MSRA: variants seen among roughly 807,000 people sequenced by gnomAD.
MSRA encodes the protein mitochondrial peptide methionine sulfoxide reductase.
MSRA carries 54 observed loss-of-function variants against 31.3 expected under a neutral mutation model. The observed-to-expected ratio is 1.73, with a 90% CI of 1.39 to 2.17. MSRA has a LOEUF of 2.17. Among genes scored for constraint, MSRA ranks in the 30% most tolerant of loss-of-function variants. The pLI, the probability that MSRA is intolerant of heterozygous loss-of-function variation, is 0.00. For synonymous variants in MSRA, 169 were observed against 116.5 expected, an observed-to-expected ratio of 1.45 and a Z score of -2.90; for missense variants, 507 against 300.9, an observed-to-expected ratio of 1.69 and a Z score of -5.07.
intron 1 of MSRA, among the ~76,000 whole-genome samples, chr8:10,081,801 T>C (rs1354567137): frequency 6.6e-6 from 1 of 152,102 alleles, no homozygotes; most frequent in Non-Finnish European, 1.5e-5. Flanking sequence ...CTGGCCAATG[T>C]AAAGGAAATT....
intron 2 of MSRA, among the ~76,000 whole-genome samples, chr8:10,244,733 C>A (rs1195981568): frequency 6.6e-6 from 1 of 151,922 alleles, no homozygotes; most frequent in African/African-American, 2.4e-5. Context: ...AATATGTGAC[C>A]AGGGAGTGGA....
At chr8:10,302,320 G>T (rs967802580) in intron 4 of MSRA, among the ~76,000 whole-genome samples, 2 of 152,250 alleles carry the variant, frequency 1.3e-5, no homozygotes, top group African/African-American at 2.4e-5. Flanking sequence ...CATCCCAGCA[G>T]CCTTGCAGGC....
intron 3 of MSRA, among the ~76,000 whole-genome samples, chr8:10,288,649 T>C (rs564950990): frequency 3.3e-5 from 5 of 152,318 alleles, no homozygotes; most frequent in East Asian, 1.9e-4. Flanking sequence ...GTCTGAGTTA[T>C]AAACAAATCT....
At position 10,319,873 on chromosome 8, in the gene MSRA, G is replaced by C; in HGVS notation, c.437-10G>C. Reference sequence around the variant, plus strand: ...GACCGGGTAACCCTCCCTGTTTTCTGCTTTCCTAGGTATGCGCCAGGGGAA... The same window carrying C: ...GACCGGGTAACCCTCCCTGTTTTCTCCTTTCCTAGGTATGCGCCAGGGGAA... On this transcript the variant is annotated splice_polypyrimidine_tract_variant and intron_variant, in intron 4 of 5. Coordinates refer to ENST00000317173, the MANE Select transcript of MSRA (RefSeq NM_012331.5). 3 of 1,503,382 alleles carry C rather than the reference G, an allele frequency of 2.0e-6. No homozygotes were observed. The highest frequency in any genetic ancestry group is 2.7e-6 in the Non-Finnish European group (3 of 1,119,384). The allele number at this position is 1,503,382 out of a possible 1,614,324, so 93.1% of individuals were successfully genotyped here.
At chr8:10,397,019 G>T (rs1041982647) in intron 5 of MSRA, among the ~76,000 whole-genome samples, 2 of 152,194 alleles carry the variant, frequency 1.3e-5, no homozygotes, top group African/African-American at 4.8e-5. Context: ...CCTGGATAAG[G>T]ATTGTTCTCC....
At chr8:10,394,970 A>G (rs1807003810) in intron 5 of MSRA, among the ~76,000 whole-genome samples, 1 of 152,166 alleles carries the variant, frequency 6.6e-6, no homozygotes, top group African/African-American at 2.4e-5. Flanking sequence ...ATTGCCTTTG[A>G]CACTTGGATA....
At chr8:10,336,519 C>G (rs1196399467) in intron 5 of MSRA, among the ~76,000 whole-genome samples, 1 of 150,762 alleles carries the variant, frequency 6.6e-6, no homozygotes, top group South Asian at 2.1e-4. Flanking sequence ...ATTTTTCCCT[C>G]TTGTGTTACA....
chr8:10,148,443 T>C (rs1803352877), intron 1 of MSRA, among the ~76,000 whole-genome samples: 1 of 151,682 alleles, frequency 6.6e-6, no homozygotes, highest in Non-Finnish European at 1.5e-5. Flanking sequence ...GGTCAAGAGT[T>C]CCAGCCCAGC....
intron 2 of MSRA, among the ~76,000 whole-genome samples, chr8:10,221,494 G>T (rs1810497359): frequency 6.6e-6 from 1 of 151,574 alleles, no homozygotes; most frequent in Non-Finnish European, 1.5e-5. Flanking sequence ...GAAAACTAAG[G>T]CTCAGAGACA....
chr8:10,343,054 GACA>G (rs1803539631), intron 5 of MSRA, among the ~76,000 whole-genome samples: 1 of 70,654 alleles, frequency 1.4e-5, no homozygotes, highest in Admixed American at 1.6e-4. Context: ...CACACACACA[GACA>G]CACACACACA....
At chr8:10,259,653 T>A (rs1210218306) in intron 3 of MSRA, among the ~76,000 whole-genome samples, 2 of 152,118 alleles carry the variant, frequency 1.3e-5, no homozygotes, top group Non-Finnish European at 2.9e-5. Flanking sequence ...ATGTTGATAT[T>A]CCCCTCCAGG....
chr8:10,235,964 C>G (rs1811900136), intron 2 of MSRA, among the ~76,000 whole-genome samples: 2 of 152,050 alleles, frequency 1.3e-5, no homozygotes, highest in African/African-American at 2.4e-5. Context: ...GTAAGATTTA[C>G]TGAAAGATGA....
chr8:10,215,436 G>T lies in MSRA; in HGVS notation c.211+7535G>T, dbSNP rs113432967. On this transcript the variant is annotated intron_variant, in intron 2 of 5. Transcript: ENST00000317173. ...TTGGCATGGGGATGACAGACCAGCC[G>T]GACAGGTGCTCCCTGGCAGACCACC... is the stretch of plus-strand genomic sequence containing the variant. Among the ~76,000 whole-genome samples, 10 of 152,314 alleles carry T rather than the reference G, an allele frequency of 6.6e-5. No homozygotes were observed. In the South Asian group the frequency reaches 1.9e-3, roughly 28 times the overall value.
intron 1 of MSRA, among the ~76,000 whole-genome samples, chr8:10,197,563 G>GC (rs1808101923): frequency 6.6e-6 from 1 of 152,168 alleles, no homozygotes; most frequent in Non-Finnish European, 1.5e-5. Context: ...CCACCAGTAA[G>GC]CACTGTGCAA....
chr8:10,217,259 C>G (rs1334101375), intron 2 of MSRA, among the ~76,000 whole-genome samples: 4 of 152,190 alleles, frequency 2.6e-5, no homozygotes, highest in Admixed American at 2.6e-4. Flanking sequence ...TTAGGCAGCA[C>G]TGCTGATGGC....
intron 1 of MSRA, among the ~76,000 whole-genome samples, chr8:10,149,558 CT>C (rs1242721935): frequency 6.6e-6 from 1 of 152,136 alleles, no homozygotes; most frequent in Non-Finnish European, 1.5e-5. Flanking sequence ...CCAATTTCCC[CT>C]TTTTGCAGAG....
chr8:10,113,937 C>G (rs1404311035), intron 1 of MSRA, among the ~76,000 whole-genome samples: 3 of 152,136 alleles, frequency 2.0e-5, no homozygotes, highest in Non-Finnish European at 4.4e-5. Flanking sequence ...CCAAAAGAAA[C>G]TCCATACCCT....
intron 2 of MSRA, among the ~76,000 whole-genome samples, chr8:10,233,953 A>G (rs1811714710): frequency 6.6e-6 from 1 of 152,218 alleles, no homozygotes; most frequent in Admixed American, 6.5e-5. Flanking sequence ...TTGCCTACAA[A>G]GAAATGACCA....
At chr8:10,077,213 C>T (rs944060100) in intron 1 of MSRA, among the ~76,000 whole-genome samples, 1 of 152,128 alleles carries the variant, frequency 6.6e-6, no homozygotes, top group African/African-American at 2.4e-5. Flanking sequence ...CTTTTGCCAA[C>T]AATGATGGGC....
Sources: gnomAD v4.1 joint callset for allele counts (sites outside exome capture counted in the v4.1 genomes callset) on GRCh38, gnomAD v4.1.1 for gene constraint, MANE v1.5 for transcripts, NCBI Gene and HGNC (gene_info 2026-07-23, HGNC 2026-07-21) for gene names.